Variants in TENM4 observed in about 807,000 individuals in gnomAD.
TENM4 encodes teneurin transmembrane protein 4, also known as teneurin-4.
Under a neutral mutation model 243.3 loss-of-function variants are expected in TENM4, and 82 were observed. The ratio of observed to expected loss-of-function variants is 0.34; its 90% CI spans 0.28 to 0.40. The LOEUF is 0.40. TENM4 is among the 10% of genes least tolerant of loss of function. The probability of loss-of-function intolerance (pLI) is 1.00; values close to 1 mark genes in which losing one functional copy is unlikely to be tolerated. For missense variants in TENM4, 3,138 were observed against 3,673.3 expected (o/e 0.85, Z 3.77); for synonymous variants, 1,412 against 1,456.3 (o/e 0.97, Z 0.69).
intron 6 of TENM4, among the ~76,000 whole-genome samples, chr11:78,996,675 C>A (rs1177009794): frequency 6.6e-6 from 1 of 152,260 alleles, no homozygotes; most frequent in East Asian, 1.9e-4. Flanking sequence ...AAATAGTGGA[C>A]CCAAGCAGTG....
chr11:79,288,727 T>A (rs567171017), intron 2 of TENM4, among the ~76,000 whole-genome samples: 2 of 152,302 alleles, frequency 1.3e-5, no homozygotes, highest in African/African-American at 4.8e-5. Flanking sequence ...CTAATGTGAA[T>A]GTAATTTGCT....
chr11:78,830,993 C>G (rs912651322), intron 12 of TENM4, among the ~76,000 whole-genome samples: 1 of 152,190 alleles, frequency 6.6e-6, no homozygotes, highest in Non-Finnish European at 1.5e-5. Context: ...CTGTGATAAA[C>G]CCATTAAACT....
At chr11:79,213,359 C>T (rs1863988236) in intron 3 of TENM4, among the ~76,000 whole-genome samples, 1 of 152,142 alleles carries the variant, frequency 6.6e-6, no homozygotes. Context: ...CAAAGTAGGT[C>T]CCTGCCCTTG....
intron 12 of TENM4, 73 bp from the exon 13 acceptor site, chr11:78,814,468 T>C (rs1857563724): frequency 1.5e-6 from 2 of 1,351,684 alleles, no homozygotes; most frequent in East Asian, 2.6e-5. Flanking sequence ...GAATCAAGCT[T>C]TAGGTTAGCC....
intron 3 of TENM4, among the ~76,000 whole-genome samples, chr11:79,153,609 C>G (rs1555018226): frequency 6.6e-6 from 1 of 152,118 alleles, no homozygotes; most frequent in Non-Finnish European, 1.5e-5. Context: ...ATGATGGTGG[C>G]CAGGCAGTGT....
rs1859663953 is a variant in TENM4, at chr11:79,046,496, A to G, written c.493+18242T>C. On this transcript the variant is annotated intron_variant, in intron 6 of 33. Coordinates refer to ENST00000278550, the MANE Select transcript of TENM4 (RefSeq NM_001098816.3). ...AAGTGCTGACCCCTAGAACTTCCAG[A>G]TGTGACCTTATTTGGAAATAGAGTT... 2.6e-5 allele frequency among the ~76,000 whole-genome samples: 4 copies of G among 152,250 alleles called. No individual in the cohort carries two copies. The South Asian group carries it at 8.3e-4, about 32-fold the overall frequency.
At chr11:79,374,306 T>A (rs1265569814) in intron 1 of TENM4, among the ~76,000 whole-genome samples, 1 of 152,138 alleles carries the variant, frequency 6.6e-6, no homozygotes, top group East Asian at 1.9e-4. Context: ...GGAGGACATC[T>A]GTGTCCCTAT....
In TENM4 at chr11:78,658,303, G is replaced by A. The variant is rs200759241; in HGVS notation, c.8065C>T (p.Arg2689Trp). 122 of 1,612,712 alleles carry A rather than the reference G, an allele frequency of 7.6e-5. No homozygotes were observed. The highest frequency in any genetic ancestry group is 2.0e-4 in the South Asian group (18 of 91,036). The change falls in exon 34 of 34, where the codon CGG (arginine) becomes TGG (tryptophan). Residue 2689 changes from arginine (R) to tryptophan (W), a missense_variant. By Grantham distance (101) the Arg-to-Trp change is moderately radical (BLOSUM62 -3). This residue lies in a region of TENM4 where 2,467 missense variants were observed against 3,059.1 expected (regional missense o/e 0.81). Coordinates refer to ENST00000278550, the MANE Select transcript of TENM4 (RefSeq NM_001098816.3). Reference sequence around the variant, plus strand: ...CTCTGCCGGGCCAGCTCCAGGACCCGTGCCTTCTCCTCATCCAACGTTGTC... The same window carrying A: ...CTCTGCCGGGCCAGCTCCAGGACCCATGCCTTCTCCTCATCCAACGTTGTC... ...YGTTLDEEKA[R>W]VLELARQRAV...
intron 4 of TENM4, among the ~76,000 whole-genome samples, chr11:79,133,538 G>A (rs1565217099): frequency 6.6e-6 from 1 of 151,706 alleles, no homozygotes. Flanking sequence ...ATCAGGAAAG[G>A]ACATAACCAA....
chr11:78,821,299 G>C (rs1348121825), intron 12 of TENM4, among the ~76,000 whole-genome samples: 1 of 152,180 alleles, frequency 6.6e-6, no homozygotes, highest in Non-Finnish European at 1.5e-5. Flanking sequence ...CATTATGTCT[G>C]GTTCTCCAAA....
intron 9 of TENM4, among the ~76,000 whole-genome samples, chr11:78,874,429 TG>T (rs1704083683): frequency 6.6e-6 from 1 of 152,212 alleles, no homozygotes; most frequent in Non-Finnish European, 1.5e-5. Context: ...TAATACAGTC[TG>T]TGTTTAATAC....
chr11:79,363,506 T>C (rs558111386), intron 1 of TENM4, among the ~76,000 whole-genome samples: 1 of 152,360 alleles, frequency 6.6e-6, no homozygotes, highest in Non-Finnish European at 1.5e-5. Context: ...GTGCAGTCTG[T>C]TGTGACTATC....
intron 3 of TENM4, among the ~76,000 whole-genome samples, chr11:79,194,170 G>T (rs1863574689): frequency 6.6e-6 from 1 of 151,794 alleles, no homozygotes; most frequent in Non-Finnish European, 1.5e-5. Flanking sequence ...AGCGCCTTTT[G>T]CCTCCCACCA....
At chr11:79,205,009 T>C (rs79419714) in intron 3 of TENM4, among the ~76,000 whole-genome samples, 1 of 152,222 alleles carries the variant, frequency 6.6e-6, no homozygotes, top group African/African-American at 2.4e-5. Context: ...AGTACAGAAT[T>C]GTGTGGGAAT....
At chr11:79,055,923 C>G (rs907029293) in intron 6 of TENM4, among the ~76,000 whole-genome samples, 3 of 152,298 alleles carry the variant, frequency 2.0e-5, no homozygotes, top group Non-Finnish European at 2.9e-5. Context: ...CAAAGTCACA[C>G]TAGGACTAGT....
intron 12 of TENM4, among the ~76,000 whole-genome samples, chr11:78,841,731 C>G (rs1442141898): frequency 6.6e-6 from 1 of 152,032 alleles, no homozygotes; most frequent in African/African-American, 2.4e-5. Flanking sequence ...TTACTTGAAC[C>G]TGCCTCCTCC....
intron 2 of TENM4, among the ~76,000 whole-genome samples, chr11:79,246,806 T>A (rs1396059345): frequency 3.3e-5 from 5 of 151,390 alleles, no homozygotes; most frequent in Non-Finnish European, 7.4e-5. Context: ...TACTACGAGG[T>A]GGAGGTGAGG....
At chr11:78,692,543 C>T (rs146860262) in intron 28 of TENM4, among the ~76,000 whole-genome samples, 1 of 152,114 alleles carries the variant, frequency 6.6e-6, no homozygotes, top group Non-Finnish European at 1.5e-5. Flanking sequence ...CAGGAGATTG[C>T]CCTCAGTGGA....
chr11:79,380,529 T>G (rs1303256283), intron 1 of TENM4, among the ~76,000 whole-genome samples: 1 of 152,186 alleles, frequency 6.6e-6, no homozygotes, highest in African/African-American at 2.4e-5. Context: ...TGTAGGATGT[T>G]AATAAGCATT....
Sources: gnomAD v4.1 joint callset for allele counts (sites outside exome capture counted in the v4.1 genomes callset) on GRCh38, gnomAD v4.1.1 for gene constraint, gnomAD v4.1.1 regional missense constraint, MANE v1.5 for transcripts, NCBI Gene and HGNC (gene_info 2026-07-23, HGNC 2026-07-21) for gene names.